EYS: variants seen among roughly 807,000 people sequenced by gnomAD.
EYS encodes the protein EGF-like photoreceptor maintenance factor, also known as protein eyes shut homolog.
EYS carries 250 observed loss-of-function variants against 282.1 expected under a neutral mutation model. The ratio of observed to expected loss-of-function variants is 0.89; its 90% CI spans 0.80 to 0.98. The LOEUF (loss-of-function observed/expected upper bound fraction) is 0.98, where lower values mean the gene tolerates loss of function less well. Among genes scored for constraint, EYS ranks in the 50% least tolerant of loss-of-function variants. The probability of loss-of-function intolerance (pLI) is 0.00; values close to 1 mark genes in which losing one functional copy is unlikely to be tolerated. For synonymous variants in EYS, 1,355 were observed against 1,282.9 expected, an observed-to-expected ratio of 1.06 and a Z score of -1.20; for missense variants, 4,016 against 3,709.0, an observed-to-expected ratio of 1.08 and a Z score of -2.15.
chr6:64,090,678 T>C (rs148135680), intron 31 of EYS, among the ~76,000 whole-genome samples: 1,758 of 152,236 alleles, frequency 0.012, 28 homozygotes, highest in African/African-American at 0.04. Context: ...AATTTTTGTC[T>C]TGCGTTTAAT....
intron 30 of EYS, among the ~76,000 whole-genome samples, chr6:64,297,004 G>C (rs1315020969): frequency 6.6e-6 from 1 of 152,110 alleles, no homozygotes; most frequent in Non-Finnish European, 1.5e-5. Context: ...ATTAATTTTG[G>C]TCAGTTTCAG....
intron 1 of EYS, among the ~76,000 whole-genome samples, chr6:65,671,804 T>C (rs1322195116): frequency 1.3e-5 from 2 of 152,022 alleles, no homozygotes; most frequent in African/African-American, 4.8e-5. Context: ...AGATCCTAAC[T>C]CCTCACTTCT....
At chr6:64,754,981 C>T (rs80007794) in intron 22 of EYS, among the ~76,000 whole-genome samples, 2,644 of 152,044 alleles carry the variant, frequency 0.017, 65 homozygotes, top group African/African-American at 0.057. Context: ...ATATCCAAAC[C>T]GGAACCGAGG....
In EYS at chr6:64,590,914, T is replaced by C. The variant is rs1409807397; in HGVS notation, c.4953A>G (p.Leu1651=). ...LSSSLEESIT[L]SSNLDVNLCL... ...ATAAATTAACATCCAAATTACTTGA[T>C]AGGGTAATGGATTCTTCCAAGGATG... Residue 1651 remains leucine, a synonymous_variant, in exon 26 of 43, where the codon CTA becomes CTG. Coordinates refer to ENST00000503581, the MANE Select transcript of EYS (RefSeq NM_001142800.2). 1 of 1,550,494 alleles carries C rather than the reference T, an allele frequency of 6.4e-7. No homozygotes were observed. The highest frequency in any genetic ancestry group is 8.7e-7 in the Non-Finnish European group (1 of 1,146,516).
At chr6:64,350,812 T>TA (rs1349640909) in intron 29 of EYS, among the ~76,000 whole-genome samples, 2 of 151,668 alleles carry the variant, frequency 1.3e-5, no homozygotes, top group South Asian at 2.1e-4. Flanking sequence ...ATCCAAATTG[T>TA]AATTCCCAAC....
At chr6:64,546,547 T>C (rs1220579239) in intron 26 of EYS, among the ~76,000 whole-genome samples, 1 of 152,198 alleles carries the variant, frequency 6.6e-6, no homozygotes, top group Non-Finnish European at 1.5e-5. Context: ...AAAGAGCTTC[T>C]GCCCAGCAAA....
At chr6:64,368,493 C>T (rs969520735) in intron 29 of EYS, among the ~76,000 whole-genome samples, 1 of 151,896 alleles carries the variant, frequency 6.6e-6, no homozygotes, top group Non-Finnish European at 1.5e-5. Flanking sequence ...TTTTTAAGTT[C>T]GTTGAGAAAT....
intron 7 of EYS, among the ~76,000 whole-genome samples, chr6:65,389,698 T>C (rs1007809528): frequency 6.6e-6 from 1 of 152,074 alleles, no homozygotes; most frequent in Non-Finnish European, 1.5e-5. Flanking sequence ...AAGAGTAATG[T>C]AAATGAATAC....
intron 14 of EYS, among the ~76,000 whole-genome samples, chr6:64,958,790 C>T (rs927319859): frequency 7.3e-6 from 1 of 136,096 alleles, no homozygotes. Context: ...AATATACATA[C>T]TGTAATCAAA....
At chr6:64,694,643 A>T (rs934926301) in intron 22 of EYS, among the ~76,000 whole-genome samples, 1 of 152,120 alleles carries the variant, frequency 6.6e-6, no homozygotes, top group African/African-American at 2.4e-5. Flanking sequence ...TGGTTTGGAG[A>T]CTAACTGGAT....
intron 2 of EYS, among the ~76,000 whole-genome samples, chr6:65,570,292 G>C (rs1184512128): frequency 1.3e-5 from 2 of 152,074 alleles, no homozygotes; most frequent in Non-Finnish European, 2.9e-5. Flanking sequence ...CTTAAGAATA[G>C]TAATGAATTA....
At chr6:64,658,074 A>G (rs1361487480) in intron 22 of EYS, among the ~76,000 whole-genome samples, 2 of 152,030 alleles carry the variant, frequency 1.3e-5, no homozygotes, top group Non-Finnish European at 2.9e-5. Context: ...TTTTTCCTCT[A>G]AACTTCTCTT....
chr6:65,081,560 T>A (rs924640468), intron 12 of EYS, among the ~76,000 whole-genome samples: 1 of 152,126 alleles, frequency 6.6e-6, no homozygotes, highest in Non-Finnish European at 1.5e-5. Context: ...TATCCTACAC[T>A]ATGTTCACTA....
intron 36 of EYS, among the ~76,000 whole-genome samples, chr6:63,825,473 G>A (rs548140192): frequency 6.6e-6 from 1 of 152,338 alleles, no homozygotes; most frequent in South Asian, 2.1e-4. Flanking sequence ...CCAAAGCTAA[G>A]GACCCTCACA....
At chr6:65,357,117 T>C (rs924558888) in intron 8 of EYS, among the ~76,000 whole-genome samples, 7 of 151,998 alleles carry the variant, frequency 4.6e-5, no homozygotes, top group Admixed American at 6.6e-5. Context: ...ATTAACTTGG[T>C]TCACTTTCAT....
At chr6:65,405,776 A>G (rs1766710579) in intron 5 of EYS, among the ~76,000 whole-genome samples, 1 of 152,046 alleles carries the variant, frequency 6.6e-6, no homozygotes, top group South Asian at 2.1e-4. Context: ...AGTAGTTGGT[A>G]CTTTATATTG....
At chr6:65,372,014 C>A (rs2000307) in intron 8 of EYS, among the ~76,000 whole-genome samples, 61,450 of 147,678 alleles carry the variant, frequency 0.42, 13,616 homozygotes, top group South Asian at 0.51. Context: ...AAAAGCAAAA[C>A]TGATTTAACT....
chr6:63,799,295 T>C (rs1582218921), intron 37 of EYS, among the ~76,000 whole-genome samples: 1 of 151,940 alleles, frequency 6.6e-6, no homozygotes, highest in East Asian at 1.9e-4. Flanking sequence ...ATTACAGACA[T>C]GAGCCACCGT....
chr6:65,314,708 T>C (rs1314058055), intron 11 of EYS, among the ~76,000 whole-genome samples: 1 of 151,740 alleles, frequency 6.6e-6, no homozygotes, highest in East Asian at 1.9e-4. Context: ...GAACATCATT[T>C]ATTCAGTACC....
Sources: gnomAD v4.1 joint callset for allele counts (sites outside exome capture counted in the v4.1 genomes callset) on GRCh38, gnomAD v4.1.1 for gene constraint, MANE v1.5 for transcripts, NCBI Gene and HGNC (gene_info 2026-07-23, HGNC 2026-07-21) for gene names.